The following RNF182 variants were observed in gnomAD, a reference collection of about 807,000 sequenced individuals.
The protein encoded by RNF182 is ring finger protein 182.
Under a neutral mutation model 14.4 loss-of-function variants are expected in RNF182, and 15 were observed. The observed-to-expected ratio is 1.04, with a 90% CI of 0.70 to 1.60. RNF182 has a LOEUF of 1.60. Among genes scored for constraint, RNF182 ranks in the 40% most tolerant of loss-of-function variants. The pLI, the probability that RNF182 is intolerant of heterozygous loss-of-function variation, is 0.00. For synonymous variants in RNF182, 128 were observed against 122.9 expected (o/e 1.04, Z -0.27); for missense variants, 268 against 294.8 (o/e 0.91, Z 0.67).
intron 1 of RNF182, among the ~76,000 whole-genome samples, chr6:13,934,077 A>G (rs1759044988): frequency 6.6e-6 from 1 of 152,156 alleles, no homozygotes; most frequent in East Asian, 1.9e-4. Flanking sequence ...GTAATGTTGT[A>G]TTTGCAGGAA....
intron 1 of RNF182, among the ~76,000 whole-genome samples, chr6:13,943,168 CT>C (rs1324405024): frequency 6.6e-6 from 1 of 152,080 alleles, no homozygotes; most frequent in Non-Finnish European, 1.5e-5. Context: ...TTAATGTATA[CT>C]TTTACTCATC....
At chr6:13,961,707 A>T (rs984586873) in intron 1 of RNF182, 3 of 152,228 alleles carry the variant, frequency 2.0e-5, no homozygotes, top group African/African-American at 7.2e-5. Flanking sequence ...TTGCTAGGTT[A>T]TTAACTTGGC....
rs187994174 is a variant in RNF182 at position 13,976,963 on chromosome 6, T to G, written c.-157T>G. 37 of 767,356 alleles carry G rather than the reference T, an allele frequency of 4.8e-5. 1 individual carries two copies. In the African/African-American group the frequency reaches 5.0e-4, roughly 10 times the overall value. The allele number at this position is 767,356 out of a possible 1,614,324, so 47.5% of individuals were successfully genotyped here. On this transcript the variant is annotated 5_prime_UTR_variant, in exon 3 of 3. Coordinates refer to ENST00000488300, the MANE Select transcript of RNF182 (RefSeq NM_152737.4). ...TTTGAGACAGAGTTATATGCAGAAG[T>G]TGAAAATGCCTGGAAGATTTCTGGT...
chr6:13,949,693 TA>T (rs1273481232), intron 1 of RNF182: 27 of 274,336 alleles, frequency 9.8e-5, no homozygotes, highest in Non-Finnish European at 1.1e-4. Context: ...GTTTCTCAGT[TA>T]TTGAATATGT....
chr6:13,971,340 G>C (rs935242965), intron 1 of RNF182, among the ~76,000 whole-genome samples: 1 of 152,124 alleles, frequency 6.6e-6, no homozygotes, highest in Non-Finnish European at 1.5e-5. Flanking sequence ...CACATAAGAT[G>C]TGCCTTTGCT....
At chr6:13,947,653 C>T (rs1313980315) in intron 1 of RNF182, among the ~76,000 whole-genome samples, 1 of 152,148 alleles carries the variant, frequency 6.6e-6, no homozygotes, top group African/African-American at 2.4e-5. Flanking sequence ...ATATTTGGGG[C>T]TCCTGGGCCT....
chr6:13,970,254 T>C (rs1025947171), intron 1 of RNF182, among the ~76,000 whole-genome samples: 1 of 152,196 alleles, frequency 6.6e-6, no homozygotes. Flanking sequence ...TTCTATCTGA[T>C]TGTATGTTTG....
At chr6:13,955,459 G>T (rs952816043) in intron 1 of RNF182, among the ~76,000 whole-genome samples, 1 of 152,244 alleles carries the variant, frequency 6.6e-6, no homozygotes, top group Admixed American at 6.5e-5. Flanking sequence ...TTTGGTTTCA[G>T]AGTGGGTTAT....
intron 1 of RNF182, among the ~76,000 whole-genome samples, chr6:13,949,946 G>C (rs1193957564): frequency 1.3e-5 from 2 of 152,114 alleles, no homozygotes; most frequent in African/African-American, 4.8e-5. Context: ...TTCACACACA[G>C]AATTTCTTTT....
rs572408056 is a variant in RNF182, at chr6:13,974,255, C to T, written c.-321C>T. 6.6e-6 allele frequency: 1 copy of T among 152,184 alleles called. No homozygotes were observed. Among genetic ancestry groups the T allele is most frequent in the East Asian group, 1.9e-4 (1 of 5,174 alleles). 9.4% of individuals were successfully genotyped at this position (152,184 alleles called of 1,614,324 possible). A position where few individuals can be genotyped will look rare whatever the true frequency, so the allele number is the denominator to read the frequency against. On this transcript the variant is annotated 5_prime_UTR_variant, in exon 2 of 3. Transcript: ENST00000488300. ...TGCATTTCCAGGGATGCTACCAGAG[C>T]TCAAGGCTGTCACCTGGTCTTGCCC...
intron 1 of RNF182, among the ~76,000 whole-genome samples, chr6:13,953,028 T>A (rs1464081160): frequency 6.6e-6 from 1 of 152,242 alleles, no homozygotes; most frequent in Non-Finnish European, 1.5e-5. Context: ...ACTGCAAAAC[T>A]TAAACTAAGA....
At chr6:13,946,701 C>G (rs1204725150) in intron 1 of RNF182, among the ~76,000 whole-genome samples, 1 of 152,192 alleles carries the variant, frequency 6.6e-6, no homozygotes, top group Non-Finnish European at 1.5e-5. Context: ...TGGAGTCACT[C>G]TGGTTTGAAT....
intron 1 of RNF182, among the ~76,000 whole-genome samples, chr6:13,958,001 A>AT (rs1384524150): frequency 2.0e-5 from 3 of 152,132 alleles, no homozygotes; most frequent in East Asian, 1.9e-4. Context: ...GAATTCTTTT[A>AT]TTTTTTCAAC....
Position 13,950,591 on chromosome 6 carries a change from G to A in RNF182, c.-366-23619G>A, listed in dbSNP as rs569310907. ...TGGCTCCCTGCAACCTCCATCTCCC[G>A]GGTTCAACAATTCTCGTGCCTCAAC... is the stretch of plus-strand genomic sequence containing the variant. On this transcript the variant is annotated intron_variant, in intron 1 of 2. Transcript: ENST00000488300. 4.2e-5 allele frequency among the ~76,000 whole-genome samples: 6 copies of A among 143,198 alleles called. No individual in the cohort carries two copies. The South Asian group carries it at 6.6e-4, about 16-fold the overall frequency. 93.9% of individuals were successfully genotyped at this position (143,198 alleles called of 152,430 possible). A position where few individuals can be genotyped will look rare whatever the true frequency, so the allele number is the denominator to read the frequency against.
intron 1 of RNF182, among the ~76,000 whole-genome samples, chr6:13,954,710 C>T (rs574547142): frequency 6.6e-6 from 1 of 152,130 alleles, no homozygotes; most frequent in East Asian, 1.9e-4. Flanking sequence ...TTTTTCCTTG[C>T]AATTTATTTA....
intron 1 of RNF182, among the ~76,000 whole-genome samples, chr6:13,953,732 C>G (rs374342086): frequency 6.6e-6 from 1 of 152,188 alleles, no homozygotes; most frequent in South Asian, 2.1e-4. Flanking sequence ...TGCGCCTTCT[C>G]TGCATTCCTT....
intron 1 of RNF182, among the ~76,000 whole-genome samples, chr6:13,927,035 A>T (rs1345538574): frequency 6.6e-6 from 1 of 152,150 alleles, no homozygotes; most frequent in African/African-American, 2.4e-5. Flanking sequence ...CACGGGCACA[A>T]CATTCAATAT....
At chr6:13,963,053 G>A (rs938295974) in intron 1 of RNF182, among the ~76,000 whole-genome samples, 3 of 152,138 alleles carry the variant, frequency 2.0e-5, no homozygotes, top group Admixed American at 1.3e-4. Context: ...ATACTTCAAT[G>A]GATGTTCATA....
At position 13,978,188 on chromosome 6, in the gene RNF182, G is replaced by C. The variant is rs116416847; in HGVS notation, c.*325G>C. ...TGTGTTATACTATAGGGAGAGCATGGATCCCTCCTTTCGTATTCATGGATG... is the reference window on the plus strand; with the variant it reads ...TGTGTTATACTATAGGGAGAGCATGCATCCCTCCTTTCGTATTCATGGATG... On this transcript the variant is annotated 3_prime_UTR_variant, in exon 3 of 3. Coordinates refer to ENST00000488300, the MANE Select transcript of RNF182 (RefSeq NM_152737.4). 152 of 224,150 alleles carry C rather than the reference G, an allele frequency of 6.8e-4. No individual in the cohort carries two copies. The highest frequency in any genetic ancestry group is 3.3e-3 in the African/African-American group (143 of 43,644). The allele number at this position is 224,150 out of a possible 1,614,324, so 13.9% of individuals were successfully genotyped here.
Sources: allele counts gnomAD v4.1 joint callset (sites outside exome capture counted in the v4.1 genomes callset), GRCh38; gene constraint gnomAD v4.1.1; transcripts MANE v1.5; gene names NCBI Gene and HGNC (gene_info 2026-07-23, HGNC 2026-07-21).